The following KIAA1549L variants were observed in gnomAD, a reference collection of about 807,000 sequenced individuals.
The protein encoded by KIAA1549L is KIAA1549 like.
In KIAA1549L, 88 loss-of-function variants were observed where a neutral mutation model predicts 160.7. The ratio of observed to expected loss-of-function variants is 0.55; its 90% CI spans 0.46 to 0.65. The LOEUF (loss-of-function observed/expected upper bound fraction) is 0.65, where lower values mean the gene tolerates loss of function less well. Among genes scored for constraint, KIAA1549L ranks in the 30% least tolerant of loss-of-function variants. KIAA1549L has a pLI of 0.00. For synonymous variants in KIAA1549L, 950 were observed against 976.7 expected (o/e 0.97, Z 0.51); for missense variants, 2,258 against 2,437.5 (o/e 0.93, Z 1.55).
chr11:33,403,010 G>A (rs914449780), intron 1 of KIAA1549L, among the ~76,000 whole-genome samples: 3 of 152,088 alleles, frequency 2.0e-5, no homozygotes, highest in African/African-American at 7.2e-5. Flanking sequence ...AAGCTCACAC[G>A]AGAGGCAATA....
At chr11:33,666,182 A>G (rs532617943) in intron 20 of KIAA1549L, among the ~76,000 whole-genome samples, 126 of 152,198 alleles carry the variant, frequency 8.3e-4, no homozygotes, top group Non-Finnish European at 1.5e-3. Context: ...TGCCTGCTCC[A>G]TAGAGCAGGA....
chr11:33,648,170 A>AT (rs1851780443), intron 17 of KIAA1549L, among the ~76,000 whole-genome samples: 1 of 150,770 alleles, frequency 6.6e-6, no homozygotes, highest in Non-Finnish European at 1.5e-5. Flanking sequence ...TTTTTTTTGT[A>AT]TTTTTAGTAG....
intron 17 of KIAA1549L, among the ~76,000 whole-genome samples, chr11:33,655,440 C>T (rs760881516): frequency 3.9e-5 from 6 of 152,186 alleles, no homozygotes; most frequent in Non-Finnish European, 7.3e-5. Context: ...ACTAAACCTG[C>T]TCTCCCTTGA....
At chr11:33,580,006 A>G (rs138772534) in intron 10 of KIAA1549L, among the ~76,000 whole-genome samples, 7 of 152,146 alleles carry the variant, frequency 4.6e-5, no homozygotes, top group Non-Finnish European at 8.8e-5. Context: ...GAGTTTCTGC[A>G]TTCTGTGTGT....
At position 33,456,294 on chromosome 11, in the gene KIAA1549L, A is replaced by T. The variant is rs75137070; in HGVS notation, c.238+79405A>T. On this transcript the variant is annotated intron_variant, in intron 1 of 20. Transcript: ENST00000658780. ...GTATCATGGGAATGTCATAACGGTCATGTGTGCCTTTAGCTGCCAAGGTAA... is the reference window on the plus strand; with the variant it reads ...GTATCATGGGAATGTCATAACGGTCTTGTGTGCCTTTAGCTGCCAAGGTAA... 1.0e-2 allele frequency among the ~76,000 whole-genome samples: 1,521 copies of T among 152,306 alleles called. 29 individuals carry two copies. The highest frequency in any genetic ancestry group is 0.035 in the African/African-American group (1,441 of 41,542).
intron 1 of KIAA1549L, among the ~76,000 whole-genome samples, chr11:33,380,164 C>T (rs1850045422): frequency 6.6e-6 from 1 of 152,204 alleles, no homozygotes; most frequent in Admixed American, 6.5e-5. Flanking sequence ...CCAGGCCCTC[C>T]TCTGCCGGCT....
At chr11:33,382,529 G>A (rs937723532) in intron 1 of KIAA1549L, among the ~76,000 whole-genome samples, 1 of 152,012 alleles carries the variant, frequency 6.6e-6, no homozygotes, top group Non-Finnish European at 1.5e-5. Context: ...TGGGGGAGGT[G>A]GGCCAAGGGA....
chr11:33,443,326 T>C (rs1177562184), intron 1 of KIAA1549L, among the ~76,000 whole-genome samples: 1 of 152,116 alleles, frequency 6.6e-6, no homozygotes, highest in East Asian at 1.9e-4. Flanking sequence ...TAGTGATTTT[T>C]TTTTTTTGTT....
intron 1 of KIAA1549L, among the ~76,000 whole-genome samples, chr11:33,383,277 T>C (rs564117960): frequency 2.0e-5 from 3 of 152,066 alleles, no homozygotes; most frequent in South Asian, 4.2e-4. Flanking sequence ...TTCTTTCTTT[T>C]TTTTTTTTTA....
intron 12 of KIAA1549L, among the ~76,000 whole-genome samples, chr11:33,592,285 G>C (rs997982342): frequency 1.3e-5 from 2 of 152,190 alleles, no homozygotes; most frequent in Non-Finnish European, 2.9e-5. Context: ...CCACTGAAAG[G>C]TCTTTTGGAA....
chr11:33,447,988 T>G (rs1407739343), intron 1 of KIAA1549L, among the ~76,000 whole-genome samples: 3 of 152,206 alleles, frequency 2.0e-5, no homozygotes, highest in Non-Finnish European at 2.9e-5. Flanking sequence ...TGCCTCGCCA[T>G]GTAGTGTGGG....
Position 33,503,209 on chromosome 11 carries a change from GCTTCT to G in KIAA1549L, c.239-38589_239-38585del, listed in dbSNP as rs371163335. On this transcript the variant is annotated intron_variant, in intron 1 of 20. Transcript: ENST00000658780. ...TAGAGTATGTCCTCTTTTTTGTCTG[GCTTCT>G]CTTGTTCAGCATTATGTGTGTGAGT... Among the ~76,000 whole-genome samples the G allele has an allele frequency of 1.2e-3, 181 of 152,032 alleles. No individual in the cohort carries two copies. In the South Asian group the frequency reaches 0.026, roughly 21 times the overall value.
At chr11:33,462,270 A>G (rs138117333) in intron 1 of KIAA1549L, among the ~76,000 whole-genome samples, 59 of 152,332 alleles carry the variant, frequency 3.9e-4, no homozygotes, top group African/African-American at 1.3e-3. Context: ...AGTCTTCATC[A>G]TGGGTAGACC....
In KIAA1549L at chr11:33,419,506, T is replaced by A. The variant is rs1293682323; in HGVS notation, c.238+42617T>A. On this transcript the variant is annotated intron_variant, in intron 1 of 20. Coordinates refer to ENST00000658780, the MANE Select transcript of KIAA1549L (RefSeq NM_012194.3). ...CTTTGGGATTTCCCCCCGTCCTTCA[T>A]CAGAATAGTGCTATCTTTTTTTCTC... Among the ~76,000 whole-genome samples, 5 of 152,212 alleles carry A rather than the reference T, an allele frequency of 3.3e-5. No homozygotes were observed. In the East Asian group the frequency reaches 7.7e-4, roughly 23 times the overall value.
In KIAA1549L at chr11:33,666,083, T is replaced by C. The variant is rs993320747; in HGVS notation, c.6160-1790T>C. ...AGCAGTACCCAGGGCAGATCCTGCCTGCTTCTGGCCCCCTCCAAATCCACA... is the reference window on the plus strand; with the variant it reads ...AGCAGTACCCAGGGCAGATCCTGCCCGCTTCTGGCCCCCTCCAAATCCACA... On this transcript the variant is annotated intron_variant, in intron 20 of 20. Transcript: ENST00000658780. Among the ~76,000 whole-genome samples the C allele has an allele frequency of 1.2e-4, 18 of 152,126 alleles. 1 individual carries two copies. Among genetic ancestry groups the C allele is most frequent in the Non-Finnish European group, 4.4e-5 (3 of 68,004 alleles).
At chr11:33,525,722 C>T (rs1565169290) in intron 1 of KIAA1549L, among the ~76,000 whole-genome samples, 1 of 151,840 alleles carries the variant, frequency 6.6e-6, no homozygotes, top group Non-Finnish European at 1.5e-5. Flanking sequence ...TTGTCTGGGG[C>T]AAGATTTCAG....
At chr11:33,501,333 A>C (rs1852943468) in intron 1 of KIAA1549L, among the ~76,000 whole-genome samples, 1 of 152,252 alleles carries the variant, frequency 6.6e-6, no homozygotes, top group Non-Finnish European at 1.5e-5. Context: ...TGGTGCTGTC[A>C]AAAAATTGGG....
chr11:33,399,663 C>T (rs1850458258), intron 1 of KIAA1549L, among the ~76,000 whole-genome samples: 1 of 152,214 alleles, frequency 6.6e-6, no homozygotes, highest in Admixed American at 6.5e-5. Context: ...CCCCCTCACC[C>T]TCCAGGGTTT....
chr11:33,516,648 C>G (rs189526590), intron 1 of KIAA1549L, among the ~76,000 whole-genome samples: 1 of 152,316 alleles, frequency 6.6e-6, no homozygotes, highest in East Asian at 1.9e-4. Context: ...AATAAATTCC[C>G]TCCTCTGCCT....
Sources: gnomAD v4.1 joint callset for allele counts (sites outside exome capture counted in the v4.1 genomes callset) on GRCh38, gnomAD v4.1.1 for gene constraint, MANE v1.5 for transcripts, NCBI Gene and HGNC (gene_info 2026-07-23, HGNC 2026-07-21) for gene names.